Variants in CADPS2 observed in about 807,000 individuals in gnomAD.
CADPS2 encodes calcium-dependent secretion activator 2.
Under a neutral mutation model 172.5 loss-of-function variants are expected in CADPS2, and 93 were observed. That is an observed-to-expected ratio of 0.54 (90% confidence interval 0.46 to 0.64). The LOEUF is 0.64. CADPS2 is among the 30% of genes least tolerant of loss of function. The probability of loss-of-function intolerance (pLI) is 0.00; values close to 1 mark genes in which losing one functional copy is unlikely to be tolerated. For synonymous variants in CADPS2, 546 were observed against 555.2 expected, an observed-to-expected ratio of 0.98 and a Z score of 0.23; for missense variants, 1,420 against 1,565.9, an observed-to-expected ratio of 0.91 and a Z score of 1.57.
chr7:122,436,442 T>G (rs1256953605), intron 17 of CADPS2: 1 of 915,546 alleles, frequency 1.1e-6, no homozygotes, highest in African/African-American at 1.8e-5. Flanking sequence ...GTTCATATAA[T>G]GTAAAAGGCC....
rs1174485483 is a variant in CADPS2, at chr7:122,645,524, A to G, written c.787-16196T>C. On this transcript the variant is annotated intron_variant, in intron 3 of 29. Transcript: ENST00000449022. ...TAAGTATATATATACTTATATATAT[A>G]TAAGTATATATATATACTTATATAT... Among the ~76,000 whole-genome samples, 130 of 29,284 alleles carry G rather than the reference A, an allele frequency of 4.4e-3. 1 individual carries two copies. The highest frequency in any genetic ancestry group is 0.012 in the African/African-American group (112 of 9,066). The allele number at this position is 29,284 out of a possible 152,430, so 19.2% of individuals were successfully genotyped here.
intron 1 of CADPS2, among the ~76,000 whole-genome samples, chr7:122,821,185 C>T (rs1584640798): frequency 6.6e-6 from 1 of 152,100 alleles, no homozygotes; most frequent in Non-Finnish European, 1.5e-5. Context: ...CCCCATTTCC[C>T]CAAATTTGCT....
intron 17 of CADPS2, among the ~76,000 whole-genome samples, chr7:122,438,079 G>C (rs1006933445): frequency 6.6e-6 from 1 of 151,982 alleles, no homozygotes; most frequent in Non-Finnish European, 1.5e-5. Context: ...AACACCTTTT[G>C]GTTTTTTCAA....
At chr7:122,698,884 T>C (rs1564097880) in intron 2 of CADPS2, 1 of 1,602,762 alleles carries the variant, frequency 6.2e-7, no homozygotes, top group Admixed American at 1.7e-5. Flanking sequence ...AGAGGCAGTG[T>C]TGTTTCTCCA....
At chr7:122,426,574 C>A (rs2049198990) in intron 17 of CADPS2, among the ~76,000 whole-genome samples, 1 of 152,206 alleles carries the variant, frequency 6.6e-6, no homozygotes, top group Non-Finnish European at 1.5e-5. Flanking sequence ...TTCATCTGTG[C>A]AGTCTTTGGG....
intron 9 of CADPS2, among the ~76,000 whole-genome samples, chr7:122,503,715 C>T (rs113541803): frequency 9.5e-4 from 144 of 152,208 alleles, no homozygotes; most frequent in African/African-American, 3.2e-3. Context: ...TTTCCTCCCT[C>T]TCATTCATTC....
intron 3 of CADPS2, among the ~76,000 whole-genome samples, chr7:122,646,016 G>C (rs921308858): frequency 2.0e-5 from 3 of 151,742 alleles, no homozygotes; most frequent in Non-Finnish European, 2.9e-5. Context: ...ATAATGCTGA[G>C]ATTAAAGGAG....
At chr7:122,649,698 A>G (rs2078930844) in intron 3 of CADPS2, among the ~76,000 whole-genome samples, 1 of 152,188 alleles carries the variant, frequency 6.6e-6, no homozygotes, top group Non-Finnish European at 1.5e-5. Flanking sequence ...ACATACTCCC[A>G]GTAATGCACT....
chr7:122,426,002 G>C (rs1167038823), intron 17 of CADPS2: 2 of 152,240 alleles, frequency 1.3e-5, no homozygotes, highest in Non-Finnish European at 2.9e-5. Flanking sequence ...AGGCAAGGCA[G>C]AGCACAGCAA....
intron 2 of CADPS2, among the ~76,000 whole-genome samples, chr7:122,675,768 A>G (rs1252681532): frequency 6.6e-6 from 1 of 152,172 alleles, no homozygotes. Context: ...GAGCTAAACA[A>G]TGAGAACACA....
intron 8 of CADPS2, among the ~76,000 whole-genome samples, chr7:122,544,480 A>C (rs2063422242): frequency 6.6e-6 from 1 of 152,156 alleles, no homozygotes; most frequent in Non-Finnish European, 1.5e-5. Flanking sequence ...TTTATTAAGC[A>C]GTTCTATTGA....
At position 122,455,597 on chromosome 7, in the gene CADPS2, G is replaced by C. The variant is rs1260093756; in HGVS notation, c.2187-4122C>G. On this transcript the variant is annotated intron_variant, in intron 14 of 29. Coordinates refer to ENST00000449022, the MANE Select transcript of CADPS2 (RefSeq NM_017954.11). The stretch of plus-strand genomic sequence containing the variant: ...CTGAGGAAATGAATGAGTAATATAT[G>C]CAATATAAAAATATTACTTAAGATG... Among the ~76,000 whole-genome samples, 4 of 151,942 alleles carry C rather than the reference G, an allele frequency of 2.6e-5. No homozygotes were observed. In the East Asian group the frequency reaches 7.7e-4, roughly 29 times the overall value.
chr7:122,597,489 G>A (rs1357457355), intron 6 of CADPS2, among the ~76,000 whole-genome samples: 1 of 151,976 alleles, frequency 6.6e-6, no homozygotes, highest in Non-Finnish European at 1.5e-5. Flanking sequence ...AGATGATTAG[G>A]TCATCATTGT....
At chr7:122,682,003 T>C (rs2083103200) in intron 2 of CADPS2, among the ~76,000 whole-genome samples, 1 of 152,136 alleles carries the variant, frequency 6.6e-6, no homozygotes, top group Non-Finnish European at 1.5e-5. Context: ...TCTAAAGCTT[T>C]TTTCTTCTAA....
intron 24 of CADPS2, among the ~76,000 whole-genome samples, chr7:122,381,081 C>T (rs2042942733): frequency 6.6e-6 from 1 of 152,092 alleles, no homozygotes; most frequent in South Asian, 2.1e-4. Context: ...ACCAGCTGAA[C>T]AATTCCAGTG....
intron 1 of CADPS2, among the ~76,000 whole-genome samples, chr7:122,812,976 A>T (rs1584539819): frequency 6.6e-6 from 1 of 152,240 alleles, no homozygotes; most frequent in East Asian, 1.9e-4. Flanking sequence ...TGGGCCTTGG[A>T]CCCCAAAATC....
chr7:122,502,007 C>T (rs979492687), intron 9 of CADPS2, among the ~76,000 whole-genome samples: 7 of 148,886 alleles, frequency 4.7e-5, no homozygotes, highest in African/African-American at 1.7e-4. Context: ...AACTTAAAAA[C>T]AACTGTATTC....
At chr7:122,864,997 C>A (rs1222879069) in intron 1 of CADPS2, among the ~76,000 whole-genome samples, 1 of 152,048 alleles carries the variant, frequency 6.6e-6, no homozygotes, top group African/African-American at 2.4e-5. Flanking sequence ...AATTTGATCC[C>A]AATGTTGGAA....
intron 1 of CADPS2, among the ~76,000 whole-genome samples, chr7:122,804,712 A>G (rs866416469): frequency 2.6e-5 from 4 of 152,192 alleles, no homozygotes; most frequent in African/African-American, 7.2e-5. Flanking sequence ...CAGTGTTCCT[A>G]TATCAAATGA....
Sources: gnomAD v4.1 joint callset for allele counts (sites outside exome capture counted in the v4.1 genomes callset) on GRCh38, gnomAD v4.1.1 for gene constraint, MANE v1.5 for transcripts, NCBI Gene and HGNC (gene_info 2026-07-23, HGNC 2026-07-21) for gene names.